The following METTL15 variants were observed in gnomAD, a reference collection of about 807,000 sequenced individuals.
The protein encoded by METTL15 is methyltransferase 15, mitochondrial 12S rRNA N4-cytidine.
In METTL15, 34 loss-of-function variants were observed where a neutral mutation model predicts 38.3. That is an observed-to-expected ratio of 0.89 (90% CI 0.68 to 1.18). The LOEUF is 1.18. METTL15 is among the 50% of genes most tolerant of loss of function. The pLI is 0.00. For missense variants in METTL15, 438 were observed against 498.4 expected (o/e 0.88, Z 1.15); for synonymous variants, 162 against 170.9 (o/e 0.95, Z 0.41).
chr11:28,309,714 A>G (rs1857208438), intron 6 of METTL15, among the ~76,000 whole-genome samples: 1 of 152,076 alleles, frequency 6.6e-6, no homozygotes, highest in Admixed American at 6.6e-5. Context: ...GTATTATTAG[A>G]CCATTCAATC....
intron 6 of METTL15, among the ~76,000 whole-genome samples, chr11:28,474,547 C>G (rs966240587): frequency 3.3e-5 from 5 of 152,156 alleles, no homozygotes; most frequent in Non-Finnish European, 7.3e-5. Context: ...AGAATATTCA[C>G]AGACAGCCTG....
intron 4 of METTL15, among the ~76,000 whole-genome samples, chr11:28,247,419 C>G (rs1854558222): frequency 2.0e-5 from 3 of 152,008 alleles, no homozygotes; most frequent in Admixed American, 2.0e-4. Flanking sequence ...TGTTTTGTGA[C>G]TGATTTTCAT....
chr11:28,232,657 A>G (rs1853734984), intron 4 of METTL15, among the ~76,000 whole-genome samples: 2 of 151,962 alleles, frequency 1.3e-5, no homozygotes, highest in South Asian at 4.1e-4. Context: ...ATTGTGTGCA[A>G]TGTGTAGGCC....
chr11:28,163,445 T>A (rs1235092864), intron 3 of METTL15: 60 of 398,110 alleles, frequency 1.5e-4, no homozygotes, highest in Non-Finnish European at 1.3e-5. Flanking sequence ...TTCCAAATTT[T>A]TCCTCTTGTA....
chr11:28,236,066 ATGTGGTTTTT>A (rs1319263496), intron 4 of METTL15, among the ~76,000 whole-genome samples: 1 of 152,130 alleles, frequency 6.6e-6, no homozygotes, highest in Admixed American at 6.5e-5. Context: ...TGAGATAATC[ATGTGGTTTTT>A]GTCTTTGGTT....
intron 6 of METTL15, among the ~76,000 whole-genome samples, chr11:28,447,783 C>A (rs1851087300): frequency 6.6e-6 from 1 of 152,070 alleles, no homozygotes; most frequent in African/African-American, 2.4e-5. Flanking sequence ...GGGAGGGAGA[C>A]TATAAATGCC....
intron 3 of METTL15, among the ~76,000 whole-genome samples, chr11:28,189,169 T>A (rs1851611813): frequency 6.6e-6 from 1 of 151,334 alleles, no homozygotes; most frequent in African/African-American, 2.4e-5. Context: ...CAGGAAATAT[T>A]AAATAGTGTT....
chr11:28,430,291 C>A (rs1217865918), intron 6 of METTL15, among the ~76,000 whole-genome samples: 3 of 141,920 alleles, frequency 2.1e-5, no homozygotes, highest in Admixed American at 1.4e-4. Flanking sequence ...GTCAGCCCCC[C>A]CGCCCGGCCA....
intron 3 of METTL15, among the ~76,000 whole-genome samples, chr11:28,153,018 C>G (rs770253682): frequency 8.6e-5 from 13 of 151,984 alleles, no homozygotes; most frequent in Non-Finnish European, 1.0e-4. Context: ...TGTCTTTTAG[C>G]ATGCAAATGT....
At chr11:28,231,768 G>C (rs1853694606) in intron 4 of METTL15, among the ~76,000 whole-genome samples, 1 of 151,836 alleles carries the variant, frequency 6.6e-6, no homozygotes, top group South Asian at 2.1e-4. Flanking sequence ...AAATCATCCA[G>C]ATACTTCCAA....
intron 4 of METTL15, among the ~76,000 whole-genome samples, chr11:28,360,525 A>G (rs1360992582): frequency 6.6e-6 from 1 of 152,164 alleles, no homozygotes; most frequent in African/African-American, 2.4e-5. Context: ...CTGCAGAGAA[A>G]CAGAATTAGT....
In METTL15 at chr11:28,526,034, G is replaced by A. The variant is rs576164224; in HGVS notation, c.*425-444G>A. 3.1e-3 allele frequency among the ~76,000 whole-genome samples: 474 copies of A among 152,372 alleles called. 1 individual carries two copies. The highest frequency in any genetic ancestry group is 4.7e-3 in the Non-Finnish European group (322 of 68,038). ...GGGACCTGGCGCACCCTCTGCAGCT[G>A]CTGGCCCGGGTGCTAAGCACCTCAC... On this transcript the variant is annotated intron_variant and NMD_transcript_variant, in intron 6 of 7. Transcript: ENST00000532947.
intron 3 of METTL15, among the ~76,000 whole-genome samples, chr11:28,197,167 T>C (rs867969867): frequency 1.4e-4 from 22 of 151,984 alleles, no homozygotes; most frequent in South Asian, 2.1e-4. Flanking sequence ...AGTTCAGATA[T>C]ACAACGGTAA....
intron 4 of METTL15, among the ~76,000 whole-genome samples, chr11:28,359,345 T>C (rs771023960): frequency 6.6e-6 from 1 of 152,216 alleles, no homozygotes; most frequent in Non-Finnish European, 1.5e-5. Flanking sequence ...GATGGGCACC[T>C]AGGTTGATGC....
chr11:28,266,763 G>A (rs1016354573), intron 4 of METTL15, among the ~76,000 whole-genome samples: 3 of 152,010 alleles, frequency 2.0e-5, no homozygotes, highest in Admixed American at 6.6e-5. Context: ...TTATGTCTCC[G>A]TAAACTATTC....
chr11:28,251,194 T>TA (rs1291472981), intron 4 of METTL15, among the ~76,000 whole-genome samples: 1 of 152,040 alleles, frequency 6.6e-6, no homozygotes, highest in Admixed American at 6.6e-5. Context: ...CCTTTTCATA[T>TA]TATTCTTCCA....
At chr11:28,176,543 G>A (rs1013554236) in intron 3 of METTL15, among the ~76,000 whole-genome samples, 1 of 152,036 alleles carries the variant, frequency 6.6e-6, no homozygotes, top group African/African-American at 2.4e-5. Context: ...GTTAATATTA[G>A]GAAATGTTTA....
At chr11:28,433,909 G>A (rs1314400899) in intron 6 of METTL15, among the ~76,000 whole-genome samples, 1 of 151,998 alleles carries the variant, frequency 6.6e-6, no homozygotes, top group Non-Finnish European at 1.5e-5. Context: ...TTTAATTGAA[G>A]CATTATCTAA....
intron 3 of METTL15, among the ~76,000 whole-genome samples, chr11:28,192,665 T>A (rs928061082): frequency 5.9e-5 from 9 of 152,098 alleles, no homozygotes; most frequent in Non-Finnish European, 1.3e-4. Flanking sequence ...AACTGGACTT[T>A]CCTTTATTAG....
Sources: gnomAD v4.1 joint callset for allele counts (sites outside exome capture counted in the v4.1 genomes callset) on GRCh38, gnomAD v4.1.1 for gene constraint, MANE v1.5 for transcripts, NCBI Gene and HGNC (gene_info 2026-07-23, HGNC 2026-07-21) for gene names.